The following FBLN7 variants were observed in gnomAD, a reference collection of about 807,000 sequenced individuals.
The protein encoded by FBLN7 is fibulin 7, also known as fibulin-7.
A neutral mutation model predicts 44.0 loss-of-function variants in FBLN7; 31 were observed. The ratio of observed to expected loss-of-function variants is 0.70; its 90% CI spans 0.53 to 0.95. The LOEUF (loss-of-function observed/expected upper bound fraction) is 0.95. Among genes scored for constraint, FBLN7 ranks in the 40% least tolerant of loss-of-function variants. The pLI is 0.00. For synonymous variants in FBLN7, 262 were observed against 253.4 expected, an observed-to-expected ratio of 1.03 and a Z score of -0.32; for missense variants, 573 against 618.5, an observed-to-expected ratio of 0.93 and a Z score of 0.78.
At chr2:112,151,385 A>G (rs1681152328) in intron 1 of FBLN7, 1 of 152,108 alleles carries the variant, frequency 6.6e-6, no homozygotes, top group Non-Finnish European at 1.5e-5. Context: ...CAGTGGTGCA[A>G]CAGAAATTAT....
At chr2:112,201,333 C>G in the FBLN7 span, among the ~76,000 whole-genome samples, 9 of 152,346 alleles carry the variant, frequency 5.9e-5, no homozygotes, top group Admixed American at 3.9e-4. Flanking sequence ...ACACCACAGC[C>G]TTGTCACAGG....
rs182174246 is a variant in FBLN7, at chr2:112,157,984, C to A, written c.76-1692C>A. 1.0e-3 allele frequency among the ~76,000 whole-genome samples: 152 copies of A among 150,844 alleles called. 1 individual carries two copies. The highest frequency in any genetic ancestry group is 3.5e-3 in the African/African-American group (145 of 40,978). ...CGATCTCGGCTCACTGCAGGCTCTG[C>A]CCCCCGGGGTTCACGCCATTCTCCT... is the stretch of plus-strand genomic sequence containing the variant. On this transcript the variant is annotated intron_variant, in intron 1 of 7. Transcript: ENST00000331203.
At chr2:112,160,052 G>A (rs995897827) in intron 2 of FBLN7, among the ~76,000 whole-genome samples, 28 of 152,030 alleles carry the variant, frequency 1.8e-4, no homozygotes, top group African/African-American at 7.2e-5. Context: ...GTGCAGTGGC[G>A]CGATCTCGGC....
At position 112,138,674 on chromosome 2, in the gene FBLN7, C is replaced by G; in HGVS notation, c.19C>G (p.Arg7Gly). Residue 7 changes from arginine to glycine, a missense_variant, in exon 1 of 8, where the codon CGC becomes GGC. Arg to Gly is a moderately radical substitution (Grantham distance 125). Transcript: ENST00000331203. ...TGGCAAGATGGTGCCCAGCTCTCCGCGCGCGCTCTTCCTTCTGCTCCTGAT... is the reference window on the plus strand; with the variant it reads ...TGGCAAGATGGTGCCCAGCTCTCCGGGCGCGCTCTTCCTTCTGCTCCTGAT... MVPSSP[R>G]ALFLLLLILA... 6.2e-7 allele frequency: 1 copy of G among 1,613,802 alleles called. No individual in the cohort carries two copies.
intron 1 of FBLN7, among the ~76,000 whole-genome samples, chr2:112,154,174 G>A (rs1219505392): frequency 6.6e-6 from 1 of 152,164 alleles, no homozygotes; most frequent in African/African-American, 2.4e-5. Context: ...AAGATGGAAG[G>A]TTTCACTGCA....
chr2:112,177,079 G>A (rs1224444021), intron 4 of FBLN7: 2 of 152,270 alleles, frequency 1.3e-5, no homozygotes, highest in Admixed American at 1.3e-4. Context: ...GGGATTACAG[G>A]TGTCTGTCAC....
the FBLN7 span, among the ~76,000 whole-genome samples, chr2:112,197,836 C>G: frequency 1.3e-5 from 2 of 152,288 alleles, no homozygotes; most frequent in African/African-American, 4.8e-5. Context: ...ATTCAGGGAG[C>G]TGATTTTCAA....
the FBLN7 span, chr2:112,213,851 A>T: frequency 4.0e-5 from 6 of 151,628 alleles, no homozygotes. Context: ...AACTGACCAT[A>T]AAAAGACCCA....
intron 1 of FBLN7, among the ~76,000 whole-genome samples, chr2:112,141,091 C>A (rs903217783): frequency 1.3e-5 from 2 of 152,230 alleles, no homozygotes; most frequent in Non-Finnish European, 2.9e-5. Context: ...CTGCCGACCC[C>A]GCTACCTGCA....
intron 1 of FBLN7, among the ~76,000 whole-genome samples, chr2:112,149,592 A>G (rs1053272791): frequency 2.0e-5 from 3 of 152,110 alleles, no homozygotes; most frequent in African/African-American, 7.2e-5. Flanking sequence ...CCCCTGACCC[A>G]TAGGGGCAAG....
chr2:112,233,666 G>C, the FBLN7 span, among the ~76,000 whole-genome samples: 1 of 152,106 alleles, frequency 6.6e-6, no homozygotes, highest in African/African-American at 2.4e-5. Context: ...AGGAGATCGA[G>C]ACCATCCTGG....
downstream of FBLN7, chr2:112,188,239 A>G (rs1683365622): frequency 6.6e-6 from 1 of 152,276 alleles, no homozygotes; most frequent in Non-Finnish European, 1.5e-5. Flanking sequence ...CTACCTGAGC[A>G]TGAGACAGCC....
the FBLN7 span, chr2:112,214,657 G>A: frequency 1.3e-5 from 2 of 152,122 alleles, no homozygotes; most frequent in South Asian, 2.1e-4. Context: ...TTCAGGGAAC[G>A]GCACAGTGGG....
At chr2:112,162,268 G>A (rs559233291) in intron 2 of FBLN7, among the ~76,000 whole-genome samples, 3 of 151,368 alleles carry the variant, frequency 2.0e-5, no homozygotes, top group East Asian at 3.9e-4. Context: ...CCTCAGCTTC[G>A]CAAAGTGCTG....
At chr2:112,174,344 T>C (rs1176513345) in intron 3 of FBLN7, among the ~76,000 whole-genome samples, 1 of 152,216 alleles carries the variant, frequency 6.6e-6, no homozygotes, top group Non-Finnish European at 1.5e-5. Context: ...TCTCTAGGGA[T>C]GAGCAGCATT....
intron 2 of FBLN7, among the ~76,000 whole-genome samples, chr2:112,164,378 A>G (rs947607249): frequency 6.6e-6 from 1 of 152,230 alleles, no homozygotes; most frequent in Non-Finnish European, 1.5e-5. Context: ...GACTGACCGC[A>G]TATCTAGAAA....
At chr2:112,180,242 C>G (rs554540559) in intron 4 of FBLN7, among the ~76,000 whole-genome samples, 1 of 152,254 alleles carries the variant, frequency 6.6e-6, no homozygotes, top group Non-Finnish European at 1.5e-5. Context: ...AAAAAAAGCT[C>G]CATATCACTG....
intron 4 of FBLN7, among the ~76,000 whole-genome samples, chr2:112,178,645 G>A (rs1024197725): frequency 6.6e-6 from 1 of 152,132 alleles, no homozygotes; most frequent in Non-Finnish European, 1.5e-5. Flanking sequence ...ATGAAAAAGC[G>A]AATCCACCAT....
intron 3 of FBLN7, among the ~76,000 whole-genome samples, chr2:112,167,018 C>T (rs1427776316): frequency 6.6e-6 from 1 of 152,224 alleles, no homozygotes; most frequent in Non-Finnish European, 1.5e-5. Context: ...GGCCTACTGG[C>T]TTCAGGCTCG....
Sources: allele counts gnomAD v4.1 joint callset (sites outside exome capture counted in the v4.1 genomes callset), GRCh38; gene constraint gnomAD v4.1.1; transcripts MANE v1.5; gene names NCBI Gene and HGNC (gene_info 2026-07-23, HGNC 2026-07-21).